TTC7A: variants seen among roughly 807,000 people sequenced by gnomAD.
TTC7A encodes the protein tetratricopeptide repeat protein 7A.
In TTC7A, 110 loss-of-function variants were observed where a neutral mutation model predicts 103.7. The ratio of observed to expected loss-of-function variants is 1.06; its 90% CI spans 0.91 to 1.24. The LOEUF (loss-of-function observed/expected upper bound fraction) is 1.24, where lower values mean the gene tolerates loss of function less well. Among genes scored for constraint, TTC7A ranks in the 50% most tolerant of loss-of-function variants. The pLI, the probability that TTC7A is intolerant of heterozygous loss-of-function variation, is 0.00. For synonymous variants in TTC7A, 521 were observed against 467.9 expected, an observed-to-expected ratio of 1.11 and a Z score of -1.47; for missense variants, 1,340 against 1,116.3, an observed-to-expected ratio of 1.20 and a Z score of -2.86.
At chr2:47,050,074 G>A in intron 17 of TTC7A, 28 bp downstream of exon 17, 1 of 1,562,130 alleles carries the variant, frequency 6.4e-7, no homozygotes, top group Non-Finnish European at 8.8e-7. Context: ...GGGCCACTGT[G>A]TGCATGGACC....
chr2:47,036,407 G>C (rs1251014846), intron 15 of TTC7A, among the ~76,000 whole-genome samples: 1 of 152,242 alleles, frequency 6.6e-6, no homozygotes, highest in Non-Finnish European at 1.5e-5. Context: ...TAGAGGACAT[G>C]GGTCAGTCTA....
intron 15 of TTC7A, among the ~76,000 whole-genome samples, chr2:47,043,510 G>A (rs1030521143): frequency 2.0e-5 from 3 of 152,132 alleles, no homozygotes; most frequent in East Asian, 1.9e-4. Context: ...GTGTACCAGC[G>A]CCCAAGGTCA....
At chr2:46,998,739 G>A (rs753321921) in intron 8 of TTC7A, among the ~76,000 whole-genome samples, 22 of 152,152 alleles carry the variant, frequency 1.4e-4, no homozygotes, top group Non-Finnish European at 2.9e-4. Flanking sequence ...TGCAGGAAAC[G>A]GTGTTTGCAG....
At chr2:46,971,626 C>T (rs537524943) in intron 3 of TTC7A, among the ~76,000 whole-genome samples, 3 of 151,086 alleles carry the variant, frequency 2.0e-5, no homozygotes, top group South Asian at 4.2e-4. Flanking sequence ...TGTAGTCATC[C>T]ACTCAGGAGA....
chr2:46,925,234 G>T (rs1669325829), intron 2 of TTC7A, among the ~76,000 whole-genome samples: 1 of 152,144 alleles, frequency 6.6e-6, no homozygotes. Context: ...GGGACTACCG[G>T]CATGCACCAC....
intron 2 of TTC7A, chr2:46,951,675 C>T (rs1221918874): frequency 2.6e-5 from 12 of 456,130 alleles, no homozygotes; most frequent in Admixed American, 2.4e-4. Flanking sequence ...CCTCCCGAAG[C>T]GTTGGGATTA....
chr2:46,998,771 G>T (rs1676486459), intron 8 of TTC7A, among the ~76,000 whole-genome samples: 1 of 152,156 alleles, frequency 6.6e-6, no homozygotes, highest in Non-Finnish European at 1.5e-5. Context: ...TTGTGGTTTG[G>T]AACTCAGGAG....
intron 3 of TTC7A, among the ~76,000 whole-genome samples, chr2:46,963,721 C>T (rs1672588216): frequency 6.7e-6 from 1 of 150,004 alleles, no homozygotes; most frequent in African/African-American, 2.5e-5. Context: ...TGGCATCAGG[C>T]ATAGCTGAAT....
chr2:47,048,060 C>G (rs993957239), intron 16 of TTC7A, among the ~76,000 whole-genome samples: 1 of 152,204 alleles, frequency 6.6e-6, no homozygotes, highest in African/African-American at 2.4e-5. Context: ...ACTGAACTCC[C>G]TGACCCCCTT....
chr2:46,971,860 T>A (rs1468864999), intron 3 of TTC7A, among the ~76,000 whole-genome samples: 1 of 151,860 alleles, frequency 6.6e-6, no homozygotes, highest in East Asian at 1.9e-4. Context: ...ATTCTTCCCG[T>A]TGGGAACCAA....
At chr2:46,967,212 C>CA (rs952760658) in intron 3 of TTC7A, among the ~76,000 whole-genome samples, 133 of 147,338 alleles carry the variant, frequency 9.0e-4, no homozygotes, top group Admixed American at 6.7e-4. Flanking sequence ...GATTCCGTCT[C>CA]AAAAAAAAAA....
intron 14 of TTC7A, among the ~76,000 whole-genome samples, chr2:47,024,755 C>G (rs374781338): frequency 4.7e-4 from 71 of 152,232 alleles, no homozygotes; most frequent in African/African-American, 1.6e-3. Flanking sequence ...TCTGTGACCC[C>G]CAAGCTACTC....
intron 18 of TTC7A, among the ~76,000 whole-genome samples, chr2:47,059,087 T>A: frequency 7.5e-6 from 1 of 133,032 alleles, no homozygotes; most frequent in South Asian, 2.6e-4. Context: ...AGTGGCGCGA[T>A]CGCAGCTCAC....
At position 47,024,269 on chromosome 2, in the gene TTC7A, C is replaced by T. The variant is rs201116007; in HGVS notation, c.1569-18C>T. ...TCAACCCCTGGTGCCTGACTTGTCA[C>T]TCCCTCTCCCCACACAGGGCTCAGC... On this transcript the variant is annotated intron_variant, in intron 13 of 19. Coordinates refer to ENST00000319190, the MANE Select transcript of TTC7A (RefSeq NM_020458.4). 2.4e-4 allele frequency: 379 copies of T among 1,582,478 alleles called. No individual in the cohort carries two copies. In the East Asian group the frequency reaches 7.8e-3, roughly 33 times the overall value.
chr2:46,992,913 C>T (rs926057428), intron 5 of TTC7A, among the ~76,000 whole-genome samples: 1 of 152,238 alleles, frequency 6.6e-6, no homozygotes. Context: ...GTCACTATGG[C>T]TCACACTTTT....
At chr2:46,965,286 A>T (rs982111637) in intron 3 of TTC7A, among the ~76,000 whole-genome samples, 2 of 152,264 alleles carry the variant, frequency 1.3e-5, no homozygotes, top group African/African-American at 4.8e-5. Context: ...ATATGATAGC[A>T]TACTTGGTTT....
chr2:46,958,469 T>C (rs758655829), intron 3 of TTC7A: 38 of 1,303,562 alleles, frequency 2.9e-5, no homozygotes, highest in South Asian at 1.2e-4. Context: ...GATTGCCCCC[T>C]GTCTCCTGCT....
At chr2:47,046,008 A>T (rs2104700077) in intron 15 of TTC7A, among the ~76,000 whole-genome samples, 1 of 152,254 alleles carries the variant, frequency 6.6e-6, no homozygotes, top group Middle Eastern at 3.4e-3. Flanking sequence ...CAAGACCAGG[A>T]CTCACAGAAC....
chr2:47,072,916 T>G (rs990393147), intron 19 of TTC7A, among the ~76,000 whole-genome samples: 3 of 151,382 alleles, frequency 2.0e-5, no homozygotes, highest in Non-Finnish European at 2.9e-5. Flanking sequence ...CTTCCCAGCC[T>G]CTTCTTATGA....
Sources: allele counts gnomAD v4.1 joint callset (sites outside exome capture counted in the v4.1 genomes callset), GRCh38; gene constraint gnomAD v4.1.1; transcripts MANE v1.5; gene names NCBI Gene and HGNC (gene_info 2026-07-23, HGNC 2026-07-21).